ESRRB: variants seen among roughly 807,000 people sequenced by gnomAD.
ESRRB encodes the protein steroid hormone receptor ERR2.
ESRRB carries 16 observed loss-of-function variants against 46.0 expected under a neutral mutation model. The ratio of observed to expected loss-of-function variants is 0.35; its 90% CI spans 0.24 to 0.53. ESRRB has a LOEUF of 0.53. Ranked by LOEUF, ESRRB falls within the 20% of genes least tolerant of loss-of-function variation. The pLI, the probability that ESRRB is intolerant of heterozygous loss-of-function variation, is 0.93. For synonymous variants in ESRRB, 246 were observed against 259.6 expected (o/e 0.95, Z 0.50); for missense variants, 488 against 607.4 (o/e 0.80, Z 2.07).
chr14:76,419,967 T>C (rs566218879), intron 1 of ESRRB, among the ~76,000 whole-genome samples: 1 of 152,278 alleles, frequency 6.6e-6, no homozygotes, highest in Admixed American at 6.5e-5. Context: ...AGGACTGGGG[T>C]TCGGCTAGGG....
intron 1 of ESRRB, among the ~76,000 whole-genome samples, chr14:76,341,325 C>T (rs1164018099): frequency 1.3e-5 from 2 of 152,244 alleles, no homozygotes; most frequent in African/African-American, 2.4e-5. Context: ...GTCCCCTCCC[C>T]AGCCACCACA....
chr14:76,391,182 G>T (rs936704994), intron 1 of ESRRB, among the ~76,000 whole-genome samples: 2 of 152,100 alleles, frequency 1.3e-5, no homozygotes, highest in African/African-American at 4.8e-5. Context: ...GTAAGATTTG[G>T]TCTGCAGCCT....
chr14:76,355,806 T>C (rs941448426), intron 1 of ESRRB, among the ~76,000 whole-genome samples: 4 of 152,196 alleles, frequency 2.6e-5, no homozygotes, highest in African/African-American at 9.7e-5. Flanking sequence ...GTTCCCCATC[T>C]TCCTCATCAA....
chr14:76,450,914 C>T (rs17104474), intron 2 of ESRRB, among the ~76,000 whole-genome samples: 9,311 of 152,282 alleles, frequency 0.061, 294 homozygotes, highest in South Asian at 0.08. Flanking sequence ...ATTAAACCCA[C>T]AAAATGTTAG....
intron 1 of ESRRB, among the ~76,000 whole-genome samples, chr14:76,331,147 A>T (rs1225798999): frequency 1.3e-5 from 2 of 152,076 alleles, no homozygotes; most frequent in African/African-American, 4.8e-5. Context: ...TGCCGTCCCA[A>T]ATCCCGGCCA....
chr14:76,414,090 A>G (rs190024373), intron 1 of ESRRB, among the ~76,000 whole-genome samples: 37 of 2,804 alleles, frequency 0.013, 4 homozygotes, highest in African/African-American at 0.074. Flanking sequence ...CCCCTGCACC[A>G]TCCCTCGCCC....
intron 2 of ESRRB, among the ~76,000 whole-genome samples, chr14:76,448,990 A>G (rs1375320689): frequency 6.6e-6 from 1 of 152,124 alleles, no homozygotes; most frequent in Non-Finnish European, 1.5e-5. Flanking sequence ...TTCCTTCTCT[A>G]GAGTTTTTTG....
chr14:76,380,639 C>G (rs1595063546), intron 1 of ESRRB, among the ~76,000 whole-genome samples: 1 of 152,218 alleles, frequency 6.6e-6, no homozygotes, highest in African/African-American at 2.4e-5. Context: ...TCGTAATGCT[C>G]TTCCTGCTGA....
At chr14:76,374,638 A>T (rs922016421), upstream of ESRRB, among the ~76,000 whole-genome samples, 7 of 152,260 alleles carry the variant, frequency 4.6e-5, no homozygotes, top group South Asian at 4.2e-4. Flanking sequence ...CTGGTGAGAG[A>T]TGATGGTCAT....
At chr14:76,415,520 C>T (rs958690056) in intron 1 of ESRRB, among the ~76,000 whole-genome samples, 1 of 152,052 alleles carries the variant, frequency 6.6e-6, no homozygotes, top group Non-Finnish European at 1.5e-5. Flanking sequence ...ATTAGCCAGG[C>T]GTGGTGGTTT....
intron 1 of ESRRB, among the ~76,000 whole-genome samples, chr14:76,406,581 T>TA (rs1886194461): frequency 6.6e-6 from 1 of 151,976 alleles, no homozygotes; most frequent in Admixed American, 6.6e-5. Flanking sequence ...CCGTCTCTAC[T>TA]AAAAATACAA....
At chr14:76,474,816 C>CAAACA (rs138037395) in intron 3 of ESRRB, among the ~76,000 whole-genome samples, 12,803 of 149,388 alleles carry the variant, frequency 0.086, 585 homozygotes, top group South Asian at 0.13. Context: ...GACCCTGTCT[C>CAAACA]AAACAAAACA....
chr14:76,485,657 G>GAGAGAA (rs1555344281), intron 5 of ESRRB, among the ~76,000 whole-genome samples: 2 of 146,762 alleles, frequency 1.4e-5, no homozygotes, highest in Admixed American at 6.7e-5. Flanking sequence ...GAGAGAGAGA[G>GAGAGAA]AGAAAGAAAG....
intron 2 of ESRRB, among the ~76,000 whole-genome samples, chr14:76,445,846 C>T (rs529779403): frequency 2.0e-4 from 30 of 152,150 alleles, no homozygotes; most frequent in Middle Eastern, 3.4e-3. Flanking sequence ...CCACCACACC[C>T]GGCTAATTTT....
rs1426630301 is a variant in ESRRB, at chr14:76,354,224, G to GCA, written c.2+43309_2+43310insAC. Among the ~76,000 whole-genome samples the GCA allele has an allele frequency of 4.9e-4, 17 of 34,558 alleles. No individual in the cohort carries two copies. In the South Asian group the frequency reaches 0.018, roughly 37 times the overall value. 22.7% of individuals were successfully genotyped at this position (34,558 alleles called of 152,430 possible). A position where few individuals can be genotyped will look rare whatever the true frequency, so the allele number is the denominator to read the frequency against. On this transcript the variant is annotated intron_variant, in intron 1 of 6. Coordinates refer to the ESRRB transcript ENST00000512784. ...CCTTGGCCCCCAGGGTCCTCTACCC[G>GCA]CCCCCCCCCCCACCCACACTTCCAC...
chr14:76,380,546 C>G (rs944714784), intron 1 of ESRRB, among the ~76,000 whole-genome samples: 6 of 152,244 alleles, frequency 3.9e-5, no homozygotes, highest in African/African-American at 1.4e-4. Context: ...CCACACCACA[C>G]CTTGACTGCC....
In ESRRB at chr14:76,445,747, C is replaced by T. The variant is rs146482092; in HGVS notation, c.460+5997C>T. Among the ~76,000 whole-genome samples the T allele has an allele frequency of 8.8e-3, 1,303 of 147,814 alleles. 9 individuals are homozygous for T. The highest frequency in any genetic ancestry group is 0.028 in the Middle Eastern group (8 of 282). ...TCACCCAGGCTGGAGTTCAGTGGAG[C>T]GATCCTGGCTCACTTCAACCTCGGC... is the stretch of plus-strand genomic sequence containing the variant. On this transcript the variant is annotated intron_variant, in intron 2 of 6. Coordinates refer to ENST00000644823, the MANE Select transcript of ESRRB (RefSeq NM_001379180.1).
chr14:76,478,642 G>T (rs1179862986), intron 3 of ESRRB, among the ~76,000 whole-genome samples: 1 of 152,028 alleles, frequency 6.6e-6, no homozygotes. Flanking sequence ...GGCCCTTACT[G>T]TCTCTTATGG....
chr14:76,469,100 A>AT (rs982555556), intron 3 of ESRRB, among the ~76,000 whole-genome samples: 12 of 149,658 alleles, frequency 8.0e-5, no homozygotes, highest in South Asian at 4.3e-4. Context: ...TCCTTTATTT[A>AT]TTTTTTTTTC....
Sources: allele counts gnomAD v4.1 joint callset (sites outside exome capture counted in the v4.1 genomes callset), GRCh38; gene constraint gnomAD v4.1.1; transcripts MANE v1.5; gene names NCBI Gene and HGNC (gene_info 2026-07-23, HGNC 2026-07-21).